Variants in SLC9A2 observed in about 807,000 individuals in gnomAD.
SLC9A2 encodes sodium/hydrogen exchanger 2.
A neutral mutation model predicts 71.7 loss-of-function variants in SLC9A2; 42 were observed. The observed-to-expected ratio is 0.59, with a 90% CI of 0.46 to 0.76. The LOEUF (loss-of-function observed/expected upper bound fraction) is 0.76, where lower values mean the gene tolerates loss of function less well. SLC9A2 is among the 30% of genes least tolerant of loss of function. The pLI is 0.00. For synonymous variants in SLC9A2, 396 were observed against 392.5 expected (o/e 1.01, Z -0.10); for missense variants, 829 against 1,017.4 (o/e 0.81, Z 2.52).
At chr2:102,652,397 G>A (rs779475842) in intron 1 of SLC9A2, among the ~76,000 whole-genome samples, 5 of 152,070 alleles carry the variant, frequency 3.3e-5, no homozygotes, top group Admixed American at 6.5e-5. Flanking sequence ...CAAGCACCTC[G>A]TAACCAGGCC....
At chr2:102,707,614 A>G (rs543624472) in intron 11 of SLC9A2, among the ~76,000 whole-genome samples, 1 of 152,236 alleles carries the variant, frequency 6.6e-6, no homozygotes, top group East Asian at 1.9e-4. Flanking sequence ...AATCAGCAAA[A>G]CCATGTTTGA....
chr2:102,676,819 T>C (rs368187813), intron 3 of SLC9A2, among the ~76,000 whole-genome samples: 3 of 152,244 alleles, frequency 2.0e-5, no homozygotes, highest in Non-Finnish European at 4.4e-5. Context: ...GCTTTTTAAT[T>C]GGTCTTCATC....
rs535243285 is a variant in SLC9A2 at position 102,626,317 on chromosome 2, G to A, written c.289+6180G>A. ...GACAAACCTGACAAAAACAAGAAAT[G>A]GGGAAAGGATTCCCTATTTAACAAA... On this transcript the variant is annotated intron_variant, in intron 1 of 11. Coordinates refer to ENST00000233969, the MANE Select transcript of SLC9A2 (RefSeq NM_003048.6). Among the ~76,000 whole-genome samples the A allele has an allele frequency of 1.7e-4, 26 of 152,186 alleles. No homozygotes were observed. The South Asian group carries it at 2.7e-3, about 16-fold the overall frequency.
Position 102,699,998 on chromosome 2 carries a change from A to G in SLC9A2, c.1587-1072A>G, listed in dbSNP as rs558809215. On this transcript the variant is annotated intron_variant, in intron 7 of 11. Transcript: ENST00000233969. ...ACACTAGATCTTCAAATGTGGTCAT[A>G]GTCTGAGCTACTGGGGATTAGACTT... Among the ~76,000 whole-genome samples, 15 of 152,278 alleles carry G rather than the reference A, an allele frequency of 9.9e-5. No individual in the cohort carries two copies. In the South Asian group the frequency reaches 2.9e-3, roughly 29 times the overall value.
chr2:102,706,393 G>A (rs1363140300), intron 11 of SLC9A2, among the ~76,000 whole-genome samples: 1 of 151,482 alleles, frequency 6.6e-6, no homozygotes, highest in Non-Finnish European at 1.5e-5. Flanking sequence ...CTTGGACACA[G>A]GAAGGGGAAC....
intron 10 of SLC9A2, among the ~76,000 whole-genome samples, chr2:102,704,884 A>G (rs969843468): frequency 6.6e-6 from 1 of 152,144 alleles, no homozygotes; most frequent in Admixed American, 6.5e-5. Flanking sequence ...GTCAATAGAT[A>G]AGGAAAGCCA....
In SLC9A2 at chr2:102,708,292, C is replaced by T. The variant is rs765324014; in HGVS notation, c.2242C>T (p.Pro748Ser). 5.6e-6 allele frequency: 9 copies of T among 1,614,078 alleles called. No homozygotes were observed. Among genetic ancestry groups the T allele is most frequent in the Admixed American group, 3.3e-5 (2 of 60,006 alleles). Reference sequence around the variant, plus strand: ...TGGCCGAGATATGCCCAGCACCCCCCCAACACCCCACAGCAGAGAAAAGGG... The same window carrying T: ...TGGCCGAGATATGCCCAGCACCCCCTCAACACCCCACAGCAGAGAAAAGGG... The part of the protein sequence containing the change: ...DSGRDMPSTP[P>S]TPHSREKGTQ... Residue 748 changes from proline (P) to serine (S), a missense_variant, in exon 12 of 12, where the codon CCA becomes TCA. Physicochemically the swap from Pro to Ser is moderately conservative, Grantham distance 74 (BLOSUM62 -1). This residue lies in a region of SLC9A2 where 223 missense variants were observed against 197.5 expected (regional missense o/e 1.13). Transcript: ENST00000233969.
chr2:102,632,959 G>A (rs1312416342), intron 1 of SLC9A2, among the ~76,000 whole-genome samples: 1 of 152,248 alleles, frequency 6.6e-6, no homozygotes, highest in African/African-American at 2.4e-5. Flanking sequence ...TCCTGGGCCT[G>A]TTTCCTGGAG....
At chr2:102,633,401 T>C (rs1037254007) in intron 1 of SLC9A2, among the ~76,000 whole-genome samples, 2 of 152,138 alleles carry the variant, frequency 1.3e-5, no homozygotes, top group African/African-American at 4.8e-5. Flanking sequence ...CAGCACACTT[T>C]ACCCACTCTT....
At position 102,708,403 on chromosome 2, in the gene SLC9A2, A is replaced by G; in HGVS notation, c.2353A>G (p.Ile785Val). ...GAGGGAAGACAGTTTGACTGAAGGC[A>G]TCCCGCCCAAGCCGCCACCACGGCT... Reference protein sequence around the residue: ...SEREDSLTEGIPPKPPPRLVW... With the variant: ...SEREDSLTEGVPPKPPPRLVW... The change falls in exon 12 of 12, where the codon ATC becomes GTC. Residue 785 changes from isoleucine (I) to valine (V), a missense_variant. Physicochemically the swap from Ile to Val is conservative, Grantham distance 29. Transcript: ENST00000233969. 5 of 1,614,216 alleles carry G rather than the reference A, an allele frequency of 3.1e-6. No individual in the cohort carries two copies. Among genetic ancestry groups the G allele is most frequent in the Non-Finnish European group, 4.2e-6 (5 of 1,180,044 alleles).
intron 1 of SLC9A2, among the ~76,000 whole-genome samples, chr2:102,635,735 T>C (rs1283596722): frequency 6.6e-6 from 1 of 151,794 alleles, no homozygotes; most frequent in African/African-American, 2.4e-5. Flanking sequence ...GTATCTTATT[T>C]TGTTTTGTTT....
intron 5 of SLC9A2, among the ~76,000 whole-genome samples, chr2:102,690,247 G>A (rs1223103705): frequency 6.6e-6 from 1 of 152,160 alleles, no homozygotes; most frequent in African/African-American, 2.4e-5. Flanking sequence ...TAGCAACTGT[G>A]ACAAATACAG....
chr2:102,651,934 T>TTTGTTG (rs59150838), intron 1 of SLC9A2, among the ~76,000 whole-genome samples: 1 of 151,316 alleles, frequency 6.6e-6, no homozygotes, highest in South Asian at 2.1e-4. Flanking sequence ...GATAAGGGTT[T>TTTGTTG]TTGTTGTTGT....
At chr2:102,683,811 C>T (rs569087243) in intron 4 of SLC9A2, among the ~76,000 whole-genome samples, 7 of 152,174 alleles carry the variant, frequency 4.6e-5, no homozygotes, top group East Asian at 1.9e-4. Flanking sequence ...CCTTCCTCAT[C>T]GCCCTCTTCA....
At chr2:102,655,532 T>C (rs1271265114) in intron 1 of SLC9A2, among the ~76,000 whole-genome samples, 1 of 152,154 alleles carries the variant, frequency 6.6e-6, no homozygotes, top group African/African-American at 2.4e-5. Flanking sequence ...AAACAAGACA[T>C]AAACATACAC....
intron 1 of SLC9A2, among the ~76,000 whole-genome samples, chr2:102,650,724 A>T (rs989345131): frequency 5.9e-5 from 9 of 152,116 alleles, no homozygotes; most frequent in African/African-American, 2.2e-4. Flanking sequence ...TCCGTACATC[A>T]TTGTGTGAAT....
rs1185985821 is a variant in SLC9A2 at position 102,665,399 on chromosome 2, G to T, written c.1004+49G>T. On this transcript the variant is annotated intron_variant, in intron 3 of 11. Transcript: ENST00000233969. ...GCTCGATGATGGCATTTCATTGAAT[G>T]CATGCATTCTCAGCCAAGATATTAA... 6 of 1,545,836 alleles carry T rather than the reference G, an allele frequency of 3.9e-6. No homozygotes were observed. The African/African-American group carries it at 8.2e-5, about 21-fold the overall frequency.
chr2:102,667,479 G>A (rs1389569479), intron 3 of SLC9A2, among the ~76,000 whole-genome samples: 1 of 152,176 alleles, frequency 6.6e-6, no homozygotes, highest in Non-Finnish European at 1.5e-5. Flanking sequence ...TAAAGATCCA[G>A]CTATTGGGGG....
intron 11 of SLC9A2, 92 bp from the exon 12 acceptor site, chr2:102,708,027 G>A (rs939789891): frequency 8.9e-6 from 12 of 1,354,922 alleles, no homozygotes; most frequent in African/African-American, 1.5e-5. Context: ...GCCCCAGGAC[G>A]TATCAGTTGC....
Sources: allele counts gnomAD v4.1 joint callset (sites outside exome capture counted in the v4.1 genomes callset), GRCh38; gene constraint gnomAD v4.1.1; regional missense constraint gnomAD v4.1.1; transcripts MANE v1.5; gene names NCBI Gene and HGNC (gene_info 2026-07-23, HGNC 2026-07-21).